RBFOX3: variants seen among roughly 807,000 people sequenced by gnomAD.
RBFOX3 encodes the protein RNA binding fox-1 homolog 3, also known as RNA binding protein fox-1 homolog 3.
RBFOX3 carries 17 observed loss-of-function variants against 48.7 expected under a neutral mutation model. That is an observed-to-expected ratio of 0.35 (90% CI 0.24 to 0.52). The LOEUF (loss-of-function observed/expected upper bound fraction) is 0.52. RBFOX3 is among the 20% of genes least tolerant of loss of function. The probability of loss-of-function intolerance (pLI) is 0.94; values close to 1 mark genes in which losing one functional copy is unlikely to be tolerated. For missense variants in RBFOX3, 382 were observed against 497.5 expected (o/e 0.77, Z 2.21); for synonymous variants, 212 against 209.5 (o/e 1.01, Z -0.10).
chr17:79,219,174 G>T (rs976185653), intron 4 of RBFOX3, among the ~76,000 whole-genome samples: 2 of 152,206 alleles, frequency 1.3e-5, no homozygotes, highest in Non-Finnish European at 2.9e-5. Flanking sequence ...AGGGTAGATT[G>T]TGTCTGGACC....
intron 1 of RBFOX3, among the ~76,000 whole-genome samples, chr17:79,580,848 C>T (rs987622588): frequency 6.6e-6 from 1 of 152,168 alleles, no homozygotes; most frequent in East Asian, 1.9e-4. Flanking sequence ...AAGAAAGGCA[C>T]AGAGGTACAT....
At chr17:79,107,058 G>C (rs1344097895) in intron 5 of RBFOX3, among the ~76,000 whole-genome samples, 1 of 152,212 alleles carries the variant, frequency 6.6e-6, no homozygotes, top group Non-Finnish European at 1.5e-5. Context: ...CCCAGTGCAA[G>C]GCCTCCTGGC....
At position 79,258,270 on chromosome 17, in the gene RBFOX3, C is replaced by T. The variant is rs369264579; in HGVS notation, c.-73-22465G>A. Among the ~76,000 whole-genome samples, 20 of 152,218 alleles carry T rather than the reference C, an allele frequency of 1.3e-4. 1 individual carries two copies. The highest frequency in any genetic ancestry group is 9.6e-4 in the East Asian group (5 of 5,192). The stretch of plus-strand genomic sequence containing the variant: ...GCACCACACTGACAGGCAGTCGCAG[C>T]ACCAGACAGCAGCCTCCAGTGATAC... On this transcript the variant is annotated intron_variant, in intron 3 of 14. Transcript: ENST00000693108.
intron 3 of RBFOX3, among the ~76,000 whole-genome samples, chr17:79,258,108 A>G (rs2065174234): frequency 6.6e-6 from 1 of 152,084 alleles, no homozygotes; most frequent in African/African-American, 2.4e-5. Flanking sequence ...TTTCAGGAAG[A>G]GCCTGTTTTA....
intron 2 of RBFOX3, among the ~76,000 whole-genome samples, chr17:79,452,522 G>A (rs1308612917): frequency 6.6e-6 from 1 of 152,192 alleles, no homozygotes; most frequent in Non-Finnish European, 1.5e-5. Context: ...ACCGTCCCCT[G>A]CCCTCTGGCT....
At chr17:79,626,300 AG>A in the RBFOX3 span, among the ~76,000 whole-genome samples, 1 of 152,152 alleles carries the variant, frequency 6.6e-6, no homozygotes, top group Non-Finnish European at 1.5e-5. Context: ...CGTCCACAGC[AG>A]TGCCTCCTAG....
At chr17:79,347,274 T>C (rs1354594522) in intron 2 of RBFOX3, among the ~76,000 whole-genome samples, 1 of 152,202 alleles carries the variant, frequency 6.6e-6, no homozygotes, top group African/African-American at 2.4e-5. Flanking sequence ...CATTAAGAAC[T>C]TTATCTTTGT....
chr17:79,497,169 A>C (rs1045263517), intron 1 of RBFOX3, among the ~76,000 whole-genome samples: 1 of 152,086 alleles, frequency 6.6e-6, no homozygotes, highest in African/African-American at 2.4e-5. Context: ...CCCATGACTC[A>C]AGGAACTTTC....
chr17:79,519,044 G>A (rs923139054), intron 1 of RBFOX3, among the ~76,000 whole-genome samples: 4 of 152,238 alleles, frequency 2.6e-5, no homozygotes, highest in African/African-American at 7.2e-5. Context: ...AGAGAAGCCC[G>A]GGGCTGGCAG....
chr17:79,398,116 C>G (rs1598516865), intron 2 of RBFOX3, among the ~76,000 whole-genome samples: 1 of 152,056 alleles, frequency 6.6e-6, no homozygotes, highest in South Asian at 2.1e-4. Flanking sequence ...TGCAGCTGAG[C>G]AGCAATTAGA....
chr17:79,259,711 C>T (rs2065432181), intron 3 of RBFOX3, among the ~76,000 whole-genome samples: 1 of 152,198 alleles, frequency 6.6e-6, no homozygotes, highest in East Asian at 1.9e-4. Flanking sequence ...TCCTGCGTTC[C>T]CCGGGAGCCA....
At chr17:79,631,657 T>C in the RBFOX3 span, among the ~76,000 whole-genome samples, 1 of 152,182 alleles carries the variant, frequency 6.6e-6, no homozygotes, top group African/African-American at 2.4e-5. Flanking sequence ...CTCACCGCAG[T>C]GTCTCAGGAA....
intron 2 of RBFOX3, among the ~76,000 whole-genome samples, chr17:79,468,206 A>C (rs917833732): frequency 6.6e-6 from 1 of 152,344 alleles, no homozygotes; most frequent in Non-Finnish European, 1.5e-5. Context: ...ACTTCACAAT[A>C]ATGATAGAAA....
In RBFOX3 at chr17:79,418,375, A is replaced by G. The variant is rs2065730801; in HGVS notation, c.-175+64079T>C. ...AAGTTGGCCACGTTCTTCCTACAGC[A>G]AAAGAAAGGTACCTGCCCCCAATTT... is the stretch of plus-strand genomic sequence containing the variant. On this transcript the variant is annotated intron_variant, in intron 2 of 14. Transcript: ENST00000693108. The surrounding 1 kb of genome is among the most constrained non-coding windows in gnomAD (Gnocchi z 5.0). Among the ~76,000 whole-genome samples the G allele has an allele frequency of 6.6e-6, 1 of 152,186 alleles. No individual in the cohort carries two copies. Among genetic ancestry groups the G allele is most frequent in the African/African-American group, 2.4e-5 (1 of 41,436 alleles).
chr17:79,127,817 C>T (rs887195175), intron 4 of RBFOX3, among the ~76,000 whole-genome samples: 2 of 152,174 alleles, frequency 1.3e-5, no homozygotes, highest in African/African-American at 4.8e-5. Context: ...CTGTGACCCC[C>T]GATCCCAGGA....
At chr17:79,559,693 G>GGGTGGATGGATGGGTGGATGATGGGT (rs2092067114) in intron 1 of RBFOX3, among the ~76,000 whole-genome samples, 1 of 148,536 alleles carries the variant, frequency 6.7e-6, no homozygotes, top group Non-Finnish European at 1.5e-5. Flanking sequence ...GTGGGTCGGT[G>GGGTGGATGGATGGGTGGATGATGGGT]GGTGGATGGA....
intron 2 of RBFOX3, among the ~76,000 whole-genome samples, chr17:79,357,677 T>G (rs1162084703): frequency 7.7e-6 from 1 of 130,202 alleles, no homozygotes; most frequent in African/African-American, 2.9e-5. Context: ...ACGACTTCAC[T>G]CCTCATGCTA....
chr17:79,248,288 C>T (rs558783550), intron 3 of RBFOX3, among the ~76,000 whole-genome samples: 1 of 151,964 alleles, frequency 6.6e-6, no homozygotes, highest in Admixed American at 6.5e-5. Flanking sequence ...GGCTGGAGTG[C>T]AGTGGCGCAA....
the RBFOX3 span, among the ~76,000 whole-genome samples, chr17:79,640,367 T>C: frequency 1.1e-4 from 17 of 152,322 alleles, no homozygotes; most frequent in East Asian, 3.1e-3. Flanking sequence ...ATAGTTAAAA[T>C]GTGCATACCA....
Sources: allele counts gnomAD v4.1 joint callset (sites outside exome capture counted in the v4.1 genomes callset), GRCh38; gene constraint gnomAD v4.1.1; non-coding constraint Gnocchi (gnomAD v3.1); transcripts MANE v1.5; gene names NCBI Gene and HGNC (gene_info 2026-07-23, HGNC 2026-07-21).